Variants in RGS6 observed in about 807,000 individuals in gnomAD.
RGS6 encodes the protein regulator of G protein signaling 6.
A neutral mutation model predicts 78.5 loss-of-function variants in RGS6; 30 were observed. The ratio of observed to expected loss-of-function variants is 0.38; its 90% CI spans 0.29 to 0.52. The LOEUF is 0.52. Ranked by LOEUF, RGS6 falls within the 20% of genes least tolerant of loss-of-function variation. RGS6 has a pLI of 0.85. For missense variants in RGS6, 495 were observed against 609.7 expected (o/e 0.81, Z 1.98); for synonymous variants, 206 against 206.0 (o/e 1.00, Z 0.00).
At chr14:72,117,409 T>A in intron 2 of RGS6, among the ~76,000 whole-genome samples, 1 of 152,048 alleles carries the variant, frequency 6.6e-6, no homozygotes, top group Admixed American at 6.6e-5. Context: ...GCTCCAGCTC[T>A]CCCCATGTGA....
chr14:72,173,679 G>A lies in RGS6; in HGVS notation c.85-178416G>A, dbSNP rs867331149. ...AGCTGTTTATCTGGGCTTTGGGGCT[G>A]TCTTGTGAATTCTATTTAAAAATAC... On this transcript the variant is annotated intron_variant, in intron 2 of 17. Transcript: ENST00000553525. Among the ~76,000 whole-genome samples, 3 of 152,258 alleles carry A rather than the reference G, an allele frequency of 2.0e-5. No homozygotes were observed. In the South Asian group the frequency reaches 6.2e-4, roughly 32 times the overall value.
downstream of RGS6, among the ~76,000 whole-genome samples, chr14:72,569,115 T>G (rs201903624): frequency 7.8e-6 from 1 of 127,694 alleles, no homozygotes; most frequent in Non-Finnish European, 1.6e-5. Context: ...CTCTGGGGTG[T>G]GTGTGTGTGT....
At chr14:72,250,622 C>G (rs145879919) in intron 2 of RGS6, among the ~76,000 whole-genome samples, 2 of 152,020 alleles carry the variant, frequency 1.3e-5, no homozygotes, top group Non-Finnish European at 2.9e-5. Context: ...CTTGAATAAA[C>G]AGAGGATCAC....
intron 2 of RGS6, among the ~76,000 whole-genome samples, chr14:72,254,574 T>C (rs1308341359): frequency 6.6e-6 from 1 of 152,108 alleles, no homozygotes; most frequent in Non-Finnish European, 1.5e-5. Flanking sequence ...CCTTAAATTA[T>C]TGTCCAATTT....
At chr14:72,273,799 A>G (rs1879288) in intron 2 of RGS6, among the ~76,000 whole-genome samples, 8,856 of 152,274 alleles carry the variant, frequency 0.058, 431 homozygotes, top group East Asian at 0.3. Context: ...TATGGCAGGT[A>G]CATGGAGCTG....
intron 2 of RGS6, among the ~76,000 whole-genome samples, chr14:72,291,452 A>G (rs1057221515): frequency 6.6e-6 from 1 of 151,996 alleles, no homozygotes; most frequent in African/African-American, 2.4e-5. Context: ...TGCTGCACAT[A>G]TTTTGTTCTG....
At chr14:71,911,497 C>T in the RGS6 span, among the ~76,000 whole-genome samples, 77,001 of 151,994 alleles carry the variant, frequency 0.51, 22,263 homozygotes, top group South Asian at 0.67. Context: ...CTCATCCTTG[C>T]GTGAACAGGG....
chr14:71,926,122 T>G, the RGS6 span, among the ~76,000 whole-genome samples: 2 of 152,266 alleles, frequency 1.3e-5, no homozygotes, highest in Middle Eastern at 3.4e-3. Flanking sequence ...ACAATCACTA[T>G]CAAAATTCCA....
intron 17 of RGS6, among the ~76,000 whole-genome samples, chr14:72,542,521 T>C (rs994252322): frequency 2.6e-5 from 4 of 152,234 alleles, no homozygotes; most frequent in African/African-American, 7.2e-5. Flanking sequence ...GCCAGTTCAA[T>C]AGCATTCCTG....
At chr14:72,313,355 A>G (rs57851101) in intron 2 of RGS6, among the ~76,000 whole-genome samples, 20,874 of 152,216 alleles carry the variant, frequency 0.14, 1,870 homozygotes, top group African/African-American at 0.25. Context: ...GCAACTGCAT[A>G]GGTCACATGC....
chr14:72,332,160 G>C (rs2075188943), intron 2 of RGS6, among the ~76,000 whole-genome samples: 1 of 152,212 alleles, frequency 6.6e-6, no homozygotes, highest in African/African-American at 2.4e-5. Context: ...CCGTCTGACA[G>C]ACACGGTGGG....
chr14:72,083,626 A>G (rs569035928), intron 2 of RGS6, among the ~76,000 whole-genome samples: 2 of 152,304 alleles, frequency 1.3e-5, no homozygotes, highest in Admixed American at 1.3e-4. Context: ...CAGAAAGGGA[A>G]GCTCGGATTT....
At chr14:72,385,726 C>A (rs1295436593) in intron 3 of RGS6, among the ~76,000 whole-genome samples, 1 of 152,192 alleles carries the variant, frequency 6.6e-6, no homozygotes, top group Non-Finnish European at 1.5e-5. Flanking sequence ...GGGACACTGT[C>A]TCCCATCTCC....
At chr14:72,275,746 A>C (rs2060568607) in intron 2 of RGS6, among the ~76,000 whole-genome samples, 1 of 152,188 alleles carries the variant, frequency 6.6e-6, no homozygotes, top group Non-Finnish European at 1.5e-5. Context: ...TCTAATGTTC[A>C]TATGTGGGTT....
intron 2 of RGS6, among the ~76,000 whole-genome samples, chr14:72,322,082 A>T (rs2072238166): frequency 1.3e-5 from 2 of 152,074 alleles, no homozygotes; most frequent in South Asian, 4.1e-4. Flanking sequence ...TGCTCAAAAG[A>T]AAATTTGTAT....
At chr14:72,448,729 A>G (rs1200738929) in intron 3 of RGS6, among the ~76,000 whole-genome samples, 2 of 152,158 alleles carry the variant, frequency 1.3e-5, no homozygotes, top group Non-Finnish European at 1.5e-5. Context: ...CAGGAAAAAA[A>G]CTGAATACAT....
At chr14:72,291,436 C>T (rs2063557493) in intron 2 of RGS6, among the ~76,000 whole-genome samples, 1 of 152,160 alleles carries the variant, frequency 6.6e-6, no homozygotes, top group African/African-American at 2.4e-5. Flanking sequence ...TTGTCCTCTA[C>T]AGCATTGCTG....
chr14:72,529,303 C>T (rs140845234), intron 15 of RGS6, among the ~76,000 whole-genome samples: 89 of 152,290 alleles, frequency 5.8e-4, no homozygotes, highest in African/African-American at 2.0e-3. Flanking sequence ...CTTGGATCTG[C>T]TATTACTGCT....
chr14:72,385,796 A>G (rs374456100), intron 3 of RGS6, among the ~76,000 whole-genome samples: 9 of 152,260 alleles, frequency 5.9e-5, no homozygotes, highest in Non-Finnish European at 8.8e-5. Context: ...AAGAGTTGCT[A>G]TGGGGCAAGT....
Sources: gnomAD v4.1 joint callset for allele counts (sites outside exome capture counted in the v4.1 genomes callset) on GRCh38, gnomAD v4.1.1 for gene constraint, MANE v1.5 for transcripts, NCBI Gene and HGNC (gene_info 2026-07-23, HGNC 2026-07-21) for gene names.